PHF20: variants seen among roughly 807,000 people sequenced by gnomAD.
PHF20 encodes PHD finger protein 20.
A neutral mutation model predicts 113.5 loss-of-function variants in PHF20; 23 were observed. That is an observed-to-expected ratio of 0.20 (90% confidence interval 0.15 to 0.29). The LOEUF is 0.29. Ranked by LOEUF, PHF20 falls within the 10% of genes least tolerant of loss-of-function variation. The probability of loss-of-function intolerance (pLI) is 1.00; values close to 1 mark genes in which losing one functional copy is unlikely to be tolerated. For missense variants in PHF20, 943 were observed against 1,219.6 expected (o/e 0.77, Z 3.38); for synonymous variants, 434 against 457.3 (o/e 0.95, Z 0.65).
intron 2 of PHF20, among the ~76,000 whole-genome samples, chr20:35,834,918 A>G (rs2042413357): frequency 1.3e-5 from 2 of 152,292 alleles, no homozygotes; most frequent in Non-Finnish European, 2.9e-5. Context: ...TTGATTTTTG[A>G]ACATTTAAGT....
chr20:35,939,899 A>T (rs1184097042), intron 16 of PHF20, among the ~76,000 whole-genome samples: 2 of 152,200 alleles, frequency 1.3e-5, no homozygotes, highest in South Asian at 4.1e-4. Flanking sequence ...TATCTCATGC[A>T]TCCTTGTGCC....
intron 1 of PHF20, among the ~76,000 whole-genome samples, chr20:35,775,544 A>G (rs2041155695): frequency 6.6e-6 from 1 of 152,074 alleles, no homozygotes; most frequent in African/African-American, 2.4e-5. Context: ...TCACGAGGTC[A>G]GGAGTTCGAG....
chr20:35,837,802 G>A (rs186853607), intron 2 of PHF20, among the ~76,000 whole-genome samples: 6 of 152,292 alleles, frequency 3.9e-5, no homozygotes, highest in South Asian at 2.1e-4. Flanking sequence ...CTAAGCTGTC[G>A]CCAAGGCAGG....
intron 4 of PHF20, chr20:35,856,406 C>A (rs1376901903): frequency 2.0e-5 from 3 of 152,182 alleles, no homozygotes; most frequent in Non-Finnish European, 2.9e-5. Context: ...TGCCCTGTTC[C>A]CAGTTGCTGT....
At chr20:35,943,040 G>A (rs972889565) in intron 17 of PHF20, among the ~76,000 whole-genome samples, 5 of 152,150 alleles carry the variant, frequency 3.3e-5, no homozygotes, top group Admixed American at 6.6e-5. Context: ...AGCCAGGATG[G>A]TCTCGATCTC....
At chr20:35,839,806 A>C (rs2042509773) in intron 2 of PHF20, among the ~76,000 whole-genome samples, 1 of 152,208 alleles carries the variant, frequency 6.6e-6, no homozygotes, top group Non-Finnish European at 1.5e-5. Context: ...ACACACATGA[A>C]GTGATGGGGG....
chr20:35,820,328 A>G (rs1016443110), intron 2 of PHF20, among the ~76,000 whole-genome samples: 2 of 152,188 alleles, frequency 1.3e-5, no homozygotes, highest in African/African-American at 2.4e-5. Flanking sequence ...TAGGACAGAC[A>G]TAGTCCCTGA....
intron 1 of PHF20, among the ~76,000 whole-genome samples, chr20:35,776,087 G>T (rs1444601006): frequency 1.3e-5 from 2 of 152,202 alleles, no homozygotes; most frequent in African/African-American, 4.8e-5. Flanking sequence ...GGGATTATAG[G>T]TGTGAGCTGC....
intron 10 of PHF20, among the ~76,000 whole-genome samples, chr20:35,902,087 GC>G (rs2055108280): frequency 6.6e-6 from 1 of 152,168 alleles, no homozygotes; most frequent in Admixed American, 6.5e-5. Context: ...TTCTCATCCA[GC>G]CATATGTGGC....
At position 35,944,592 on chromosome 20, in the gene PHF20, C is replaced by T. The variant is rs149374518; in HGVS notation, c.2897-2893C>T. On this transcript the variant is annotated intron_variant, in intron 17 of 17. Coordinates refer to ENST00000374012, the MANE Select transcript of PHF20 (RefSeq NM_016436.5). ...TTTATTTTATTTTATTTTTTTAAGA[C>T]GGAGTCTTGCTCTTTCTCGCCCAGG... Among the ~76,000 whole-genome samples the T allele has an allele frequency of 5.4e-3, 815 of 152,130 alleles. 9 individuals carry two copies. Among genetic ancestry groups the T allele is most frequent in the African/African-American group, 0.019 (781 of 41,522 alleles).
chr20:35,936,062 G>A (rs1298727324), intron 15 of PHF20, among the ~76,000 whole-genome samples: 1 of 152,222 alleles, frequency 6.6e-6, no homozygotes, highest in Non-Finnish European at 1.5e-5. Flanking sequence ...CTTGCGAGAA[G>A]TAGCACCTTC....
At chr20:35,934,153 C>T (rs781478578) in intron 15 of PHF20, among the ~76,000 whole-genome samples, 12 of 152,114 alleles carry the variant, frequency 7.9e-5, no homozygotes, top group Admixed American at 2.6e-4. Context: ...CTAGAGGAGG[C>T]CTGGTGTCAG....
chr20:35,841,465 TC>T (rs1232735037), intron 2 of PHF20, among the ~76,000 whole-genome samples: 1 of 152,140 alleles, frequency 6.6e-6, no homozygotes, highest in Non-Finnish European at 1.5e-5. Flanking sequence ...ATCATCTTGT[TC>T]TTTTTAATAA....
intron 4 of PHF20, chr20:35,850,919 GA>G: frequency 1.5e-6 from 1 of 652,110 alleles, no homozygotes; most frequent in Admixed American, 2.0e-5. Flanking sequence ...GAAACATCGT[GA>G]AGGTGAAGAT....
At chr20:35,866,757 G>A (rs1396755131) in intron 6 of PHF20, among the ~76,000 whole-genome samples, 1 of 152,170 alleles carries the variant, frequency 6.6e-6, no homozygotes, top group Non-Finnish European at 1.5e-5. Flanking sequence ...AGAAGTAGTT[G>A]TACCCCAACA....
intron 1 of PHF20, among the ~76,000 whole-genome samples, chr20:35,797,827 T>C (rs1411517314): frequency 6.6e-6 from 1 of 151,802 alleles, no homozygotes; most frequent in South Asian, 2.1e-4. Context: ...AATTTTTGTA[T>C]TTTTAGTAGA....
intron 2 of PHF20, among the ~76,000 whole-genome samples, chr20:35,824,035 A>G (rs2042220350): frequency 6.6e-6 from 1 of 152,236 alleles, no homozygotes; most frequent in Non-Finnish European, 1.5e-5. Context: ...AAACATTTAT[A>G]TATAGGTTTT....
At chr20:35,839,884 CAG>C (rs2042511222) in intron 2 of PHF20, among the ~76,000 whole-genome samples, 2 of 152,154 alleles carry the variant, frequency 1.3e-5, no homozygotes, top group African/African-American at 4.8e-5. Flanking sequence ...TAAAAACTGA[CAG>C]AATACATGAC....
At chr20:35,875,203 G>A (rs2054497408) in intron 9 of PHF20, among the ~76,000 whole-genome samples, 1 of 152,060 alleles carries the variant, frequency 6.6e-6, no homozygotes, top group Admixed American at 6.5e-5. Context: ...TTCGAGACCA[G>A]CCTGGCCAAC....
Sources: gnomAD v4.1 joint callset for allele counts (sites outside exome capture counted in the v4.1 genomes callset) on GRCh38, gnomAD v4.1.1 for gene constraint, MANE v1.5 for transcripts, NCBI Gene and HGNC (gene_info 2026-07-23, HGNC 2026-07-21) for gene names.